The following ARHGAP39 variants were observed in gnomAD, a reference collection of about 807,000 sequenced individuals.
ARHGAP39 encodes the protein Rho GTPase activating protein 39, also known as rho GTPase-activating protein 39.
A neutral mutation model predicts 106.9 loss-of-function variants in ARHGAP39; 44 were observed. That is an observed-to-expected ratio of 0.41 (90% CI 0.32 to 0.53). The LOEUF is 0.53. Among genes scored for constraint, ARHGAP39 ranks in the 20% least tolerant of loss-of-function variants. ARHGAP39 has a pLI of 0.21. For synonymous variants in ARHGAP39, 768 were observed against 693.2 expected, an observed-to-expected ratio of 1.11 and a Z score of -1.69; for missense variants, 1,496 against 1,577.3, an observed-to-expected ratio of 0.95 and a Z score of 0.87.
intron 1 of ARHGAP39, among the ~76,000 whole-genome samples, chr8:144,651,474 G>A (rs1252024687): frequency 1.3e-5 from 2 of 152,150 alleles, no homozygotes; most frequent in Non-Finnish European, 2.9e-5. Context: ...AGGCTGAGGT[G>A]AGTGAATCAC....
chr8:144,612,831 C>T (rs1375231073), intron 1 of ARHGAP39, among the ~76,000 whole-genome samples: 1 of 152,168 alleles, frequency 6.6e-6, no homozygotes, highest in South Asian at 2.1e-4. Flanking sequence ...CCAGCCGGGG[C>T]AACAGAGTGA....
intron 1 of ARHGAP39, among the ~76,000 whole-genome samples, chr8:144,654,557 C>T (rs1010629368): frequency 6.6e-6 from 1 of 152,202 alleles, no homozygotes; most frequent in Non-Finnish European, 1.5e-5. Context: ...CCAGTCAAGA[C>T]GGCCTGCTGC....
At chr8:144,666,729 C>A (rs973504432) in intron 1 of ARHGAP39, among the ~76,000 whole-genome samples, 2 of 152,146 alleles carry the variant, frequency 1.3e-5, no homozygotes, top group Non-Finnish European at 2.9e-5. Context: ...CTTTTTCTCC[C>A]CAGTCTTGGG....
At position 144,548,226 on chromosome 8, in the gene ARHGAP39, G is replaced by A. The variant is rs758810665; in HGVS notation, c.860C>T (p.Pro287Leu). ...KRAELPGSSS[P>L]LLAQPRKPSG... Reference sequence around the variant, plus strand: ...GGGCTTTCGGGGCTGGGCCAGCAGCGGGGAGCTGCTCCCTGGGAGCTCGGC... The same window carrying A: ...GGGCTTTCGGGGCTGGGCCAGCAGCAGGGAGCTGCTCCCTGGGAGCTCGGC... Residue 287 changes from proline to leucine, a missense_variant, in exon 5 of 12, where the codon CCG becomes CTG. By Grantham distance (98) the Pro-to-Leu change is moderately conservative. Transcript: ENST00000377307. This position sits in a 1 kb window ranked among gnomAD's most constrained non-coding sequence, Gnocchi z 7.4. The A allele has an allele frequency of 7.5e-6, 12 of 1,606,164 alleles. No individual in the cohort carries two copies. In the Admixed American group the frequency reaches 1.5e-4, roughly 20 times the overall value.
the ARHGAP39 span, among the ~76,000 whole-genome samples, chr8:144,692,821 G>A: frequency 2.9e-5 from 4 of 139,386 alleles, no homozygotes; most frequent in Non-Finnish European, 4.5e-5. Context: ...GTGCAATGGT[G>A]TGATCTCGGC....
In ARHGAP39 at chr8:144,530,333, C is replaced by G; in HGVS notation, c.*89G>C. 7.1e-7 allele frequency: 1 copy of G among 1,404,184 alleles called. No homozygotes were observed. Among genetic ancestry groups the G allele is most frequent in the East Asian group, 2.5e-5 (1 of 39,724 alleles). The allele number at this position is 1,404,184 out of a possible 1,614,324, so 87.0% of individuals were successfully genotyped here. The stretch of plus-strand genomic sequence containing the variant: ...GAGGGGGCTCCAGGGCTGGGCCGGG[C>G]GATTCTGGCCCCTCTGCCGGGAGAG... On this transcript the variant is annotated 3_prime_UTR_variant, in exon 12 of 12. Transcript: ENST00000377307.
At chr8:144,627,884 C>T (rs1820965480) in intron 1 of ARHGAP39, among the ~76,000 whole-genome samples, 1 of 152,244 alleles carries the variant, frequency 6.6e-6, no homozygotes, top group African/African-American at 2.4e-5. Context: ...CTCTGCCAGG[C>T]ACTCCGACTG....
At chr8:144,618,522 C>A (rs1264425646) in intron 1 of ARHGAP39, among the ~76,000 whole-genome samples, 1 of 152,256 alleles carries the variant, frequency 6.6e-6, no homozygotes, top group African/African-American at 2.4e-5. Context: ...CAGAGACCTG[C>A]CTGAGGTGGG....
intron 1 of ARHGAP39, among the ~76,000 whole-genome samples, chr8:144,651,304 C>T (rs1423699774): frequency 6.6e-6 from 1 of 152,138 alleles, no homozygotes; most frequent in Non-Finnish European, 1.5e-5. Context: ...TAGGAAGAAT[C>T]GGTATCATTA....
rs1473585294 is a variant in ARHGAP39, at chr8:144,530,275, G to A, written c.*147C>T. The stretch of plus-strand genomic sequence containing the variant: ...CACCCTCAGACCAGGCAGAAGACGT[G>A]GGGAGCGCCGGGGCCAGGGGCCTGG... On this transcript the variant is annotated 3_prime_UTR_variant, in exon 12 of 12. Transcript: ENST00000377307. 8.1e-6 allele frequency: 7 copies of A among 866,428 alleles called. No individual in the cohort carries two copies. The African/African-American group carries it at 1.0e-4, about 13-fold the overall frequency. 53.7% of individuals were successfully genotyped at this position (866,428 alleles called of 1,614,324 possible).
At position 144,627,057 on chromosome 8, in the gene ARHGAP39, A is replaced by C. The variant is rs538109869; in HGVS notation, c.-81-21362T>G. Among the ~76,000 whole-genome samples, 140 of 152,348 alleles carry C rather than the reference A, an allele frequency of 9.2e-4. 1 individual carries two copies. Among genetic ancestry groups the C allele is most frequent in the African/African-American group, 3.3e-3 (139 of 41,594 alleles). The stretch of plus-strand genomic sequence containing the variant: ...AAATGAAAAACAAGAAAAAGAAGAC[A>C]GACCACCTGGCACCTGGATCCAGCT... On this transcript the variant is annotated intron_variant, in intron 1 of 11. Transcript: ENST00000377307.
At chr8:144,610,352 T>A (rs1820445732) in intron 1 of ARHGAP39, among the ~76,000 whole-genome samples, 1 of 152,218 alleles carries the variant, frequency 6.6e-6, no homozygotes, top group Non-Finnish European at 1.5e-5. Context: ...TCCTTTAGAC[T>A]TAATTTGCTT....
chr8:144,530,443 G>A lies in ARHGAP39; in HGVS notation c.3324C>T (p.Ser1108=), dbSNP rs770418994. ...LRVLIQHLDT[S]FMEGVL ...CCCGCTACAGCACACCCTCCATGAA[G>A]CTGGTGTCCAGGTGCTGGATGAGCA... The change falls in exon 12 of 12, where the codon AGC becomes AGT. Residue 1108 remains serine, a synonymous_variant. Coordinates refer to ENST00000377307, the MANE Select transcript of ARHGAP39 (RefSeq NM_025251.3). The A allele has an allele frequency of 1.9e-6, 3 of 1,607,622 alleles. No individual in the cohort carries two copies. The highest frequency in any genetic ancestry group is 1.3e-5 in the African/African-American group (1 of 74,808).
chr8:144,650,805 T>C (rs908216005), intron 1 of ARHGAP39, among the ~76,000 whole-genome samples: 5 of 152,164 alleles, frequency 3.3e-5, no homozygotes, highest in African/African-American at 9.7e-5. Flanking sequence ...TCATACTGAA[T>C]GGTAAAAGCT....
At chr8:144,638,539 T>C (rs1451944080) in intron 1 of ARHGAP39, among the ~76,000 whole-genome samples, 1 of 152,230 alleles carries the variant, frequency 6.6e-6, no homozygotes, top group African/African-American at 2.4e-5. Context: ...TCTCTGTCAC[T>C]TTCCCCGTCT....
chr8:144,557,287 G>A (rs75887866), intron 3 of ARHGAP39, among the ~76,000 whole-genome samples: 1 of 117,442 alleles, frequency 8.5e-6, no homozygotes, highest in African/African-American at 3.9e-5. Context: ...CTGAACCTTC[G>A]TAGTATTCAG....
At chr8:144,608,674 TATCGATGAG>T (rs1318467250) in intron 1 of ARHGAP39, among the ~76,000 whole-genome samples, 1 of 152,252 alleles carries the variant, frequency 6.6e-6, no homozygotes, top group Non-Finnish European at 1.5e-5. Context: ...GTGTTGAATC[TATCGATGAG>T]TAAGAGGAAA....
chr8:144,544,999 G>C (rs971837966), intron 6 of ARHGAP39, among the ~76,000 whole-genome samples: 6 of 152,248 alleles, frequency 3.9e-5, no homozygotes, highest in Admixed American at 3.9e-4. Context: ...GAGTGGATGC[G>C]GCCATTGAGG....
At chr8:144,623,294 G>A (rs2130970057) in intron 1 of ARHGAP39, among the ~76,000 whole-genome samples, 1 of 152,262 alleles carries the variant, frequency 6.6e-6, no homozygotes, top group South Asian at 2.1e-4. Context: ...GTCCTCAAAT[G>A]ACAGAGTACA....
Sources: allele counts gnomAD v4.1 joint callset (sites outside exome capture counted in the v4.1 genomes callset), GRCh38; gene constraint gnomAD v4.1.1; non-coding constraint Gnocchi (gnomAD v3.1); transcripts MANE v1.5; gene names NCBI Gene and HGNC (gene_info 2026-07-23, HGNC 2026-07-21).